Variants in CCNJL observed in about 807,000 individuals in gnomAD.
The protein encoded by CCNJL is cyclin J like, also known as cyclin-J-like protein.
In CCNJL, 33 loss-of-function variants were observed where a neutral mutation model predicts 33.4. The observed-to-expected ratio is 0.99, with a 90% CI of 0.75 to 1.32. The LOEUF (loss-of-function observed/expected upper bound fraction) is 1.32, where lower values mean the gene tolerates loss of function less well. CCNJL is among the 40% of genes most tolerant of loss of function. CCNJL has a pLI of 0.00. For synonymous variants in CCNJL, 227 were observed against 220.9 expected (o/e 1.03, Z -0.24); for missense variants, 512 against 499.7 (o/e 1.02, Z -0.23).
chr5:160,291,427 A>G (rs529552447), intron 2 of CCNJL, among the ~76,000 whole-genome samples: 5 of 151,948 alleles, frequency 3.3e-5, no homozygotes, highest in Non-Finnish European at 7.4e-5. Context: ...GAGGCCCTGA[A>G]ACATTTGTTC....
intron 2 of CCNJL, among the ~76,000 whole-genome samples, chr5:160,287,923 G>A (rs1309274723): frequency 3.3e-5 from 5 of 152,122 alleles, no homozygotes; most frequent in African/African-American, 1.2e-4. Flanking sequence ...GGGGAGGGAA[G>A]GGCAGAGGCT....
At chr5:160,319,088 A>T (rs945788156) in intron 1 of CCNJL, among the ~76,000 whole-genome samples, 2 of 152,202 alleles carry the variant, frequency 1.3e-5, no homozygotes, top group African/African-American at 4.8e-5. Context: ...AAATTCATTT[A>T]TGTTTCCTTC....
At chr5:160,280,842 T>A (rs1230577467) in intron 2 of CCNJL, 104 bp from the exon 3 acceptor site, 2 of 787,036 alleles carry the variant, frequency 2.5e-6, no homozygotes, top group East Asian at 5.3e-5. Context: ...AGGCAACGAT[T>A]CCCTCCATAC....
intron 3 of CCNJL, chr5:160,274,994 A>G (rs1442449996): frequency 3.9e-5 from 6 of 152,176 alleles, no homozygotes; most frequent in African/African-American, 7.2e-5. Flanking sequence ...GGTAGTGTGT[A>G]GGGGTGTAAT....
intron 2 of CCNJL, among the ~76,000 whole-genome samples, chr5:160,288,830 A>T (rs1474428517): frequency 2.4e-5 from 2 of 81,882 alleles, no homozygotes; most frequent in East Asian, 3.1e-4. Flanking sequence ...GACTCTGTCT[A>T]AAAAAAAAAA....
intron 1 of CCNJL, among the ~76,000 whole-genome samples, chr5:160,335,639 T>C (rs1385743390): frequency 6.6e-6 from 1 of 152,120 alleles, no homozygotes; most frequent in East Asian, 1.9e-4. Flanking sequence ...GGCGTGATCA[T>C]AGCTCGCTGC....
chr5:160,253,644 T>C lies in CCNJL; in HGVS notation c.898A>G (p.Thr300Ala). The C allele has an allele frequency of 1.2e-6, 2 of 1,611,250 alleles. No individual in the cohort carries two copies. Among genetic ancestry groups the C allele is most frequent in the Non-Finnish European group, 1.7e-6 (2 of 1,178,592 alleles). The change falls in exon 6 of 6, where the codon ACC (threonine) becomes GCC (alanine). Residue 300 changes from threonine (T) to alanine (A), a missense_variant. By Grantham distance (58) the Thr-to-Ala change is moderately conservative. Transcript: ENST00000257536. ...GCCAAGCATAGGTCCTGCACGGGGG[T>C]CTGGAACTGTGCCAGGGTGGTCGCT... is the stretch of plus-strand genomic sequence containing the variant. ...QPATTLAQFQTPVQDLCLAYR... is the reference protein window; with the variant it reads ...QPATTLAQFQAPVQDLCLAYR...
At chr5:160,293,370 T>C (rs531507386) in intron 2 of CCNJL, among the ~76,000 whole-genome samples, 20 of 152,250 alleles carry the variant, frequency 1.3e-4, no homozygotes, top group African/African-American at 4.8e-4. Flanking sequence ...GAGGTTGCAG[T>C]GGGCTGCATT....
chr5:160,283,135 C>T lies in CCNJL; in HGVS notation c.67-2397G>A, dbSNP rs778375011. ...TAGAAACAACTCAAACACTTATCAA[C>T]TGATGAATGGATAAACAAAATGTAA... On this transcript the variant is annotated intron_variant, in intron 2 of 5. Coordinates refer to ENST00000257536, the MANE Select transcript of CCNJL (RefSeq NM_001308173.3). 1.2e-4 allele frequency among the ~76,000 whole-genome samples: 18 copies of T among 150,684 alleles called. No individual in the cohort carries two copies. The Admixed American group carries it at 1.2e-3, about 10-fold the overall frequency.
intron 2 of CCNJL, among the ~76,000 whole-genome samples, chr5:160,290,425 C>T (rs1762545786): frequency 6.6e-6 from 1 of 151,996 alleles, no homozygotes; most frequent in South Asian, 2.1e-4. Flanking sequence ...ACCACCACAC[C>T]CGTCTAATTT....
intron 2 of CCNJL, among the ~76,000 whole-genome samples, chr5:160,307,668 G>T (rs1763133416): frequency 6.6e-6 from 1 of 152,124 alleles, no homozygotes; most frequent in Non-Finnish European, 1.5e-5. Context: ...AGGGAAGAGG[G>T]TCAAGGGGCA....
rs199801293 is a variant in CCNJL at position 160,259,668 on chromosome 5, C to T, written c.384G>A (p.Leu128=). 3.6e-4 allele frequency: 588 copies of T among 1,614,084 alleles called. No individual in the cohort carries two copies. The highest frequency in any genetic ancestry group is 6.0e-4 in the Admixed American group (36 of 60,002). The change falls in exon 4 of 6, where the codon CTG becomes CTA. Residue 128 remains leucine (L), a synonymous_variant. Coordinates refer to ENST00000257536, the MANE Select transcript of CCNJL (RefSeq NM_001308173.3). ...CCTCCAGGAGCAGCAGCTCTGTGCT[C>T]AGCAGCTCCTTCTTGGTGAGGGTGA... is the stretch of plus-strand genomic sequence containing the variant. ...QNFTLTKKEL[L]STELLLLEAF...
intron 3 of CCNJL, among the ~76,000 whole-genome samples, chr5:160,268,988 G>A (rs1227384535): frequency 1.3e-5 from 2 of 152,236 alleles, no homozygotes; most frequent in Non-Finnish European, 2.9e-5. Context: ...ATGGAAGGAC[G>A]GATGGATGAA....
At chr5:160,282,987 A>ATATATATATATATATATATATG (rs1762279227) in intron 2 of CCNJL, among the ~76,000 whole-genome samples, 1 of 58,152 alleles carries the variant, frequency 1.7e-5, no homozygotes, top group Non-Finnish European at 3.2e-5. Flanking sequence ...ATATATATAT[A>ATATATATATATATATATATATG]TATATATATA....
chr5:160,280,551 A>T lies in CCNJL; in HGVS notation c.254T>A (p.Val85Glu), dbSNP rs1348353302. 6.2e-7 allele frequency: 1 copy of T among 1,613,184 alleles called. No individual in the cohort carries two copies. The highest frequency in any genetic ancestry group is 2.2e-5 in the East Asian group (1 of 44,884). ...NVTTSKQLYT[V>E]AVSCLLLASK... ...TGCAAGCAGGAGGCAGGAGACGGCC[A>T]CGGTGTAGAGCTGCTTGGAGGTGGT... The change falls in exon 3 of 6, where the codon GTG (valine) becomes GAG (glutamate). Residue 85 changes from valine to glutamate, a missense_variant. Physicochemically the swap from Val to Glu is moderately radical, Grantham distance 121. Transcript: ENST00000257536.
intron 1 of CCNJL, among the ~76,000 whole-genome samples, chr5:160,322,589 G>A (rs751929009): frequency 6.6e-6 from 1 of 152,184 alleles, no homozygotes; most frequent in African/African-American, 2.4e-5. Context: ...ATGATCTCAC[G>A]AGCATTTTTC....
intron 3 of CCNJL, chr5:160,276,195 GA>G (rs1762002274): frequency 6.6e-6 from 1 of 151,914 alleles, no homozygotes; most frequent in African/African-American, 2.4e-5. Flanking sequence ...AGGAGTTCGA[GA>G]CTAACCTGGC....
intron 1 of CCNJL, chr5:160,339,372 C>CA (rs796675901): frequency 9.8e-4 from 292 of 298,340 alleles, no homozygotes; most frequent in African/African-American, 2.1e-3. Flanking sequence ...AAAAAAAAAA[C>CA]AAAAAAAAAC....
intron 1 of CCNJL, among the ~76,000 whole-genome samples, chr5:160,331,222 CT>C (rs574507230): frequency 0.028 from 3,684 of 131,334 alleles, 51 homozygotes; most frequent in African/African-American, 0.06. Context: ...TTCTTTCTTT[CT>C]TTTTTTTTTT....
Sources: gnomAD v4.1 joint callset for allele counts (sites outside exome capture counted in the v4.1 genomes callset) on GRCh38, gnomAD v4.1.1 for gene constraint, MANE v1.5 for transcripts, NCBI Gene and HGNC (gene_info 2026-07-23, HGNC 2026-07-21) for gene names.